TMEM117: variants seen among roughly 807,000 people sequenced by gnomAD.
TMEM117 encodes transmembrane protein 117.
Under a neutral mutation model 52.4 loss-of-function variants are expected in TMEM117, and 27 were observed. That is an observed-to-expected ratio of 0.51 (90% confidence interval 0.38 to 0.71). The LOEUF (loss-of-function observed/expected upper bound fraction) is 0.71, where lower values mean the gene tolerates loss of function less well. Among genes scored for constraint, TMEM117 ranks in the 30% least tolerant of loss-of-function variants. The pLI, the probability that TMEM117 is intolerant of heterozygous loss-of-function variation, is 0.00. For missense variants in TMEM117, 556 were observed against 630.5 expected, an observed-to-expected ratio of 0.88 and a Z score of 1.26; for synonymous variants, 215 against 206.3, an observed-to-expected ratio of 1.04 and a Z score of -0.36.
intron 2 of TMEM117, among the ~76,000 whole-genome samples, chr12:43,874,564 C>T (rs2137434752): frequency 6.6e-6 from 1 of 152,284 alleles, no homozygotes; most frequent in African/African-American, 2.4e-5. Context: ...GCACTCCAGC[C>T]TGGGCGACAA....
intron 3 of TMEM117, among the ~76,000 whole-genome samples, chr12:43,947,402 C>T (rs945230110): frequency 6.6e-6 from 1 of 152,242 alleles, no homozygotes; most frequent in East Asian, 1.9e-4. Flanking sequence ...ACTTTTATGA[C>T]ACATCATTTG....
chr12:44,013,131 C>T (rs570299183), intron 3 of TMEM117, among the ~76,000 whole-genome samples: 2 of 152,034 alleles, frequency 1.3e-5, no homozygotes, highest in African/African-American at 4.8e-5. Context: ...CAGCCTTAAG[C>T]GATCCTTCCG....
At chr12:44,307,811 A>G (rs1950922776) in intron 6 of TMEM117, among the ~76,000 whole-genome samples, 1 of 152,204 alleles carries the variant, frequency 6.6e-6, no homozygotes, top group African/African-American at 2.4e-5. Context: ...GCCAAGGAGG[A>G]TGTCCTAACA....
At chr12:43,964,256 A>C (rs1056757306) in intron 3 of TMEM117, among the ~76,000 whole-genome samples, 1 of 152,160 alleles carries the variant, frequency 6.6e-6, no homozygotes, top group Non-Finnish European at 1.5e-5. Flanking sequence ...CACTCTGATA[A>C]GAACTAATTA....
intron 2 of TMEM117, among the ~76,000 whole-genome samples, chr12:43,889,825 AGT>A (rs1380428950): frequency 6.6e-6 from 1 of 152,198 alleles, no homozygotes; most frequent in East Asian, 1.9e-4. Flanking sequence ...ATTGGGTAGC[AGT>A]CTCTGAGAAG....
At chr12:44,223,204 C>A (rs558469013) in intron 5 of TMEM117, among the ~76,000 whole-genome samples, 7 of 152,134 alleles carry the variant, frequency 4.6e-5, no homozygotes, top group South Asian at 2.1e-4. Flanking sequence ...TCTTCCTACC[C>A]TCCACCCTGC....
intron 4 of TMEM117, among the ~76,000 whole-genome samples, chr12:44,187,279 C>A (rs1363325285): frequency 2.0e-5 from 3 of 151,994 alleles, no homozygotes; most frequent in Non-Finnish European, 4.4e-5. Flanking sequence ...TTAATATTTT[C>A]ATCTGTTTTT....
At chr12:43,868,201 GC>G (rs539268191) in intron 2 of TMEM117, among the ~76,000 whole-genome samples, 199 of 18,870 alleles carry the variant, frequency 0.011, 1 homozygote, top group African/African-American at 0.037. Flanking sequence ...CCCAACCCCC[GC>G]CCCCCGCCAA....
At chr12:43,906,580 G>A (rs1035878035) in intron 2 of TMEM117, among the ~76,000 whole-genome samples, 1 of 152,208 alleles carries the variant, frequency 6.6e-6, no homozygotes, top group African/African-American at 2.4e-5. Flanking sequence ...TCCATCTGAG[G>A]TACCGGGTTC....
chr12:44,207,623 G>C (rs1949587050), intron 4 of TMEM117, among the ~76,000 whole-genome samples: 1 of 151,976 alleles, frequency 6.6e-6, no homozygotes, highest in African/African-American at 2.4e-5. Context: ...CAAATCCTTT[G>C]ACTCTAAATT....
intron 3 of TMEM117, among the ~76,000 whole-genome samples, chr12:44,021,027 A>T (rs1445518614): frequency 6.6e-6 from 1 of 152,160 alleles, no homozygotes; most frequent in Non-Finnish European, 1.5e-5. Flanking sequence ...AGGAAAACTC[A>T]TGGATTTAAC....
At chr12:43,947,826 C>T (rs1461747230) in intron 3 of TMEM117, among the ~76,000 whole-genome samples, 5 of 152,114 alleles carry the variant, frequency 3.3e-5, no homozygotes, top group African/African-American at 1.2e-4. Context: ...CCTTTCCAAA[C>T]TGGAGGAGTT....
At chr12:43,993,038 C>T (rs1054534829) in intron 3 of TMEM117, among the ~76,000 whole-genome samples, 5 of 152,096 alleles carry the variant, frequency 3.3e-5, no homozygotes, top group African/African-American at 1.2e-4. Flanking sequence ...ACAAAAAGTG[C>T]AAGAAAAGCT....
chr12:43,866,169 G>A (rs1392079006), intron 2 of TMEM117, among the ~76,000 whole-genome samples: 6 of 151,766 alleles, frequency 4.0e-5, no homozygotes, highest in African/African-American at 1.5e-4. Context: ...CAGAACTAAG[G>A]TCACATTTCA....
At chr12:44,090,398 T>TTTA (rs201089233) in intron 3 of TMEM117, among the ~76,000 whole-genome samples, 1 of 123,206 alleles carries the variant, frequency 8.1e-6, no homozygotes, top group East Asian at 2.2e-4. Context: ...TTATCTTACT[T>TTTA]TTTATTTATT....
intron 5 of TMEM117, among the ~76,000 whole-genome samples, chr12:44,252,271 C>T (rs1405801984): frequency 1.3e-5 from 2 of 152,098 alleles, no homozygotes; most frequent in Admixed American, 6.6e-5. Flanking sequence ...TTTGGGAGGC[C>T]GAGGTAGGCG....
intron 5 of TMEM117, among the ~76,000 whole-genome samples, chr12:44,242,481 T>C (rs1950075146): frequency 6.6e-6 from 1 of 151,914 alleles, no homozygotes; most frequent in African/African-American, 2.4e-5. Context: ...ATTCTTTTTT[T>C]ATGGCTACAT....
chr12:43,861,513 C>G (rs1177640304), intron 2 of TMEM117, among the ~76,000 whole-genome samples: 1 of 152,166 alleles, frequency 6.6e-6, no homozygotes, highest in Non-Finnish European at 1.5e-5. Context: ...GCTTAACAAT[C>G]TATGTTTAAA....
the TMEM117 span, among the ~76,000 whole-genome samples, chr12:43,813,300 A>G: frequency 7.2e-6 from 1 of 138,104 alleles, no homozygotes; most frequent in Non-Finnish European, 1.5e-5. Flanking sequence ...CTGGAGTACA[A>G]TGGCACAATC....
Sources: gnomAD v4.1 joint callset for allele counts (sites outside exome capture counted in the v4.1 genomes callset) on GRCh38, gnomAD v4.1.1 for gene constraint, MANE v1.5 for transcripts, NCBI Gene and HGNC (gene_info 2026-07-23, HGNC 2026-07-21) for gene names.